Variants in VWF observed in about 807,000 individuals in gnomAD.
VWF encodes the protein Factor VIII related antigen.
VWF carries 176 observed loss-of-function variants against 308.6 expected under a neutral mutation model. That is an observed-to-expected ratio of 0.57 (90% CI 0.50 to 0.65). The LOEUF is 0.65. Among genes scored for constraint, VWF ranks in the 30% least tolerant of loss-of-function variants. The pLI, the probability that VWF is intolerant of heterozygous loss-of-function variation, is 0.00. For missense variants in VWF, 3,146 were observed against 3,648.2 expected (o/e 0.86, Z 3.55); for synonymous variants, 1,385 against 1,443.4 (o/e 0.96, Z 0.92).
In VWF at chr12:6,064,319, G is replaced by T; in HGVS notation, c.1359C>A (p.Asn453Lys). The T allele has an allele frequency of 6.2e-7, 1 of 1,614,196 alleles. No individual in the cohort carries two copies. The highest frequency in any genetic ancestry group is 8.5e-7 in the Non-Finnish European group (1 of 1,180,036). The change falls in exon 12 of 52, where the codon AAC (asparagine) becomes AAA (lysine). Residue 453 changes from asparagine (N) to lysine (K), a missense_variant. By Grantham distance (94) the Asn-to-Lys change is moderately conservative. Around this residue, in one of 3 missense-constraint regions of VWF, gnomAD observed 1,304 missense variants for 1,353.0 expected, o/e 0.96. Coordinates refer to ENST00000261405, the MANE Select transcript of VWF (RefSeq NM_000552.5). ...CCCCATGCTTCAGTTTCACAAGGCT[G>T]TTGTGCAGGCCAGGCAGCCGGACGG... ...SVTVRLPGLH[N>K]SLVKLKHGAG...
At chr12:6,070,598 A>G (rs1944768672) in intron 10 of VWF, among the ~76,000 whole-genome samples, 1 of 152,242 alleles carries the variant, frequency 6.6e-6, no homozygotes. Context: ...GTAACCGGAA[A>G]GTGTTTAGCA....
chr12:6,023,866 C>T (rs1223696528), intron 24 of VWF, 79 bp from the exon 25 acceptor site: 2 of 1,537,654 alleles, frequency 1.3e-6, no homozygotes, highest in East Asian at 4.6e-5. Context: ...TGCAAATGTT[C>T]TGATGGTCAA....
At chr12:6,071,161 C>T (rs925959242) in intron 10 of VWF, 136 bp downstream of exon 10, 19 of 967,166 alleles carry the variant, frequency 2.0e-5, no homozygotes, top group Non-Finnish European at 2.8e-5. Context: ...GCTGGGGTCA[C>T]GTGGTTGCAG....
intron 6 of VWF, among the ~76,000 whole-genome samples, chr12:6,076,802 A>G (rs1227969677): frequency 6.6e-6 from 1 of 152,194 alleles, no homozygotes; most frequent in Non-Finnish European, 1.5e-5. Flanking sequence ...GTATAAATCT[A>G]CAGTCGGGGC....
chr12:6,000,814 A>AC (rs1943864769), intron 34 of VWF, among the ~76,000 whole-genome samples: 1 of 146,676 alleles, frequency 6.8e-6, no homozygotes, highest in African/African-American at 2.5e-5. Context: ...TCTGTCTCAA[A>AC]AAAAAAAAAA....
chr12:6,051,668 GGCGCGATCACAGTT>G (rs2136448548), intron 16 of VWF, among the ~76,000 whole-genome samples: 1 of 152,276 alleles, frequency 6.6e-6, no homozygotes, highest in South Asian at 2.1e-4. Flanking sequence ...AGAATGCAGT[GGCGCGATCACAGTT>G]CACTGCAGCC....
chr12:6,007,816 C>G (rs11534812), intron 34 of VWF, among the ~76,000 whole-genome samples: 4,915 of 151,944 alleles, frequency 0.032, 234 homozygotes, highest in East Asian at 0.23. Context: ...TTAACCAAGA[C>G]AAAAAGAGAA....
rs370399059 is a variant in VWF at position 5,979,712 on chromosome 12, T to C, written c.7287+2074A>G. On this transcript the variant is annotated intron_variant, in intron 42 of 51. Coordinates refer to ENST00000261405, the MANE Select transcript of VWF (RefSeq NM_000552.5). ...CTACAATCAGCCAAGATCGTGCCAC[T>C]GCACTCCAACCTGGCCACAGAGCGA... 4.0e-5 allele frequency among the ~76,000 whole-genome samples: 6 copies of C among 148,842 alleles called. No individual in the cohort carries two copies. The East Asian group carries it at 1.2e-3, about 30-fold the overall frequency.
At chr12:5,949,228 G>T in intron 51 of VWF, 25 bp from the exon 52 acceptor site, 12 of 1,610,874 alleles carry the variant, frequency 7.4e-6, no homozygotes, top group Non-Finnish European at 1.0e-5. Context: ...AGGAAGATGG[G>T]AGCTTCACAA....
At chr12:6,044,714 C>T (rs1293985317) in intron 17 of VWF, among the ~76,000 whole-genome samples, 2 of 152,164 alleles carry the variant, frequency 1.3e-5, no homozygotes, top group African/African-American at 2.4e-5. Flanking sequence ...CTTGTCATCA[C>T]CCTTAACCTT....
At chr12:6,052,847 G>A in intron 15 of VWF, 64 bp from the exon 16 acceptor site, 1 of 1,573,406 alleles carries the variant, frequency 6.4e-7, no homozygotes, top group East Asian at 2.4e-5. Flanking sequence ...TGTGGTTCTA[G>A]GACTTGCCAC....
rs561041841 is a variant in VWF, at chr12:6,058,193, T to G, written c.1534-149A>C. 33 of 882,906 alleles carry G rather than the reference T, an allele frequency of 3.7e-5. No homozygotes were observed. The highest frequency in any genetic ancestry group is 3.4e-4 in the South Asian group (20 of 59,458). 54.7% of individuals were successfully genotyped at this position (882,906 alleles called of 1,614,324 possible). ...AATAAAAGGCAGCTAAGCCCTAGGC[T>G]GCAAAAGGGGGGGCGGGGGAAAGTG... On this transcript the variant is annotated intron_variant, in intron 13 of 51. Transcript: ENST00000261405. This position sits in a 1 kb window ranked among gnomAD's most constrained non-coding sequence, Gnocchi z 4.9.
At position 6,021,911 on chromosome 12, in the gene VWF, G is replaced by A. The variant is rs1369073535; in HGVS notation, c.3663C>T (p.His1221=). ...GGAATCTGTTTTACCAAATCTGGCA[G>A]TGCTCAGGGTCACTGGGATTCAAGG... The part of the protein sequence containing the change: ...KVTLNPSDPE[H]CQICHCDVVN... The change falls in exon 27 of 52, where the codon CAC becomes CAT. Residue 1221 remains histidine, a synonymous_variant. Coordinates refer to ENST00000261405, the MANE Select transcript of VWF (RefSeq NM_000552.5). 2.5e-6 allele frequency: 4 copies of A among 1,614,170 alleles called. No homozygotes were observed. Among genetic ancestry groups the A allele is most frequent in the East Asian group, 4.5e-5 (2 of 44,878 alleles).
chr12:6,023,674 G>T lies in VWF; in HGVS notation c.3336C>A (p.Ala1112=). 1 of 1,613,898 alleles carries T rather than the reference G, an allele frequency of 6.2e-7. No individual in the cohort carries two copies. The highest frequency in any genetic ancestry group is 8.5e-7 in the Non-Finnish European group (1 of 1,180,020). ...DTIAAYAHVC[A]QHGKVVTWRT... ...TCCAGGTCACCACCTTGCCATGCTG[G>T]GCACACACGTGGGCATAGGCAGCAA... Residue 1112 remains alanine, a synonymous_variant, in exon 25 of 52, where the codon GCC becomes GCA. Transcript: ENST00000261405.
At chr12:5,967,687 C>A in intron 46 of VWF, 85 bp from the exon 47 acceptor site, 1 of 1,224,776 alleles carries the variant, frequency 8.2e-7, no homozygotes, top group South Asian at 1.2e-5. Context: ...CTCCTGCCCA[C>A]CCACCCATAG....
intron 16 of VWF, among the ~76,000 whole-genome samples, chr12:6,051,322 C>T (rs1264262071): frequency 1.4e-5 from 2 of 138,558 alleles, no homozygotes; most frequent in African/African-American, 5.7e-5. Context: ...GATAGAGTCT[C>T]GCTCTGTCAC....
chr12:6,106,856 C>T (rs1335232965), intron 5 of VWF, among the ~76,000 whole-genome samples: 1 of 75,688 alleles, frequency 1.3e-5, no homozygotes, highest in Non-Finnish European at 2.4e-5. Flanking sequence ...GCCTGGGCAA[C>T]AAGAGTGAAA....
Position 5,994,060 on chromosome 12 carries a change from G to A in VWF, c.6400C>T (p.Pro2134Ser), listed in dbSNP as rs1243328479. The change falls in exon 37 of 52, where the codon CCC (proline) becomes TCC (serine). Residue 2134 changes from proline to serine, a missense_variant. Physicochemically the swap from Pro to Ser is moderately conservative, Grantham distance 74. Transcript: ENST00000261405. ...AGGACCTGGCAGTGGGAGCTGTCGG[G>A]GACAAGACACTGCTCCTCCAGGATG... ...QPILEEQCLV[P>S]DSSHCQVLLL... The A allele has an allele frequency of 6.2e-7, 1 of 1,614,138 alleles. No individual in the cohort carries two copies. The highest frequency in any genetic ancestry group is 8.5e-7 in the Non-Finnish European group (1 of 1,180,028).
At chr12:6,023,526 C>T in intron 25 of VWF, 105 bp downstream of exon 25, 1 of 1,521,160 alleles carries the variant, frequency 6.6e-7, no homozygotes. Flanking sequence ...AACACTCTGT[C>T]TTCTCTCGCC....
Sources: gnomAD v4.1 joint callset for allele counts (sites outside exome capture counted in the v4.1 genomes callset) on GRCh38, gnomAD v4.1.1 for gene constraint, gnomAD v4.1.1 regional missense constraint, Gnocchi (gnomAD v3.1) non-coding constraint, MANE v1.5 for transcripts, NCBI Gene and HGNC (gene_info 2026-07-23, HGNC 2026-07-21) for gene names.